TSPAN16: variants seen among roughly 807,000 people sequenced by gnomAD.
TSPAN16 encodes the protein tetraspanin 16, also known as tetraspanin-16.
TSPAN16 carries 23 observed loss-of-function variants against 25.2 expected under a neutral mutation model. The observed-to-expected ratio is 0.91, with a 90% confidence interval of 0.66 to 1.29. The LOEUF (loss-of-function observed/expected upper bound fraction) is 1.29, where lower values mean the gene tolerates loss of function less well. TSPAN16 is among the 50% of genes most tolerant of loss of function. The pLI, the probability that TSPAN16 is intolerant of heterozygous loss-of-function variation, is 0.00. For missense variants in TSPAN16, 272 were observed against 299.9 expected (o/e 0.91, Z 0.69); for synonymous variants, 123 against 124.4 (o/e 0.99, Z 0.08).
chr19:11,321,847 T>C (rs989754612), intron 6 of TSPAN16, among the ~76,000 whole-genome samples: 2 of 152,152 alleles, frequency 1.3e-5, no homozygotes, highest in African/African-American at 4.8e-5. Context: ...CTGAGCTTTT[T>C]ACTAGAAGTA....
intron 1 of TSPAN16, among the ~76,000 whole-genome samples, chr19:11,296,567 C>T (rs2080480496): frequency 6.6e-6 from 1 of 152,170 alleles, no homozygotes; most frequent in Admixed American, 6.6e-5. Context: ...TGAAATCCAG[C>T]ACAGATGAGT....
intron 4 of TSPAN16, among the ~76,000 whole-genome samples, chr19:11,303,247 G>GT (rs2080585463): frequency 7.0e-6 from 1 of 142,478 alleles, no homozygotes; most frequent in African/African-American, 2.9e-5. Context: ...CTGTTGATCT[G>GT]TGACCTTACC....
chr19:11,325,643 G>T, intron 6 of TSPAN16: 1 of 1,498,620 alleles, frequency 6.7e-7, no homozygotes, highest in Non-Finnish European at 9.1e-7. Flanking sequence ...AGTCTCAGCT[G>T]TGGCATCACA....
At chr19:11,318,417 C>T (rs532308749), downstream of TSPAN16, among the ~76,000 whole-genome samples, 9 of 152,200 alleles carry the variant, frequency 5.9e-5, no homozygotes, top group African/African-American at 1.9e-4. Flanking sequence ...GCCTCAGCCT[C>T]CCAAAGTGCT....
At chr19:11,324,477 A>G (rs1221678863) in intron 6 of TSPAN16, 1 of 148,178 alleles carries the variant, frequency 6.7e-6, no homozygotes. Context: ...TTGGGCAAGA[A>G]CTTGCTTAAA....
At chr19:11,320,511 CTCAA>C (rs909621084), downstream of TSPAN16, among the ~76,000 whole-genome samples, 2 of 151,892 alleles carry the variant, frequency 1.3e-5, no homozygotes, top group African/African-American at 4.8e-5. Flanking sequence ...GATCCCATCT[CTCAA>C]TCACTCAATC....
At chr19:11,320,476 A>C (rs1300956059), downstream of TSPAN16, among the ~76,000 whole-genome samples, 1 of 151,966 alleles carries the variant, frequency 6.6e-6, no homozygotes, top group East Asian at 1.9e-4. Context: ...CTGGGAGTTC[A>C]AGACCAGCCT....
At chr19:11,323,971 A>C (rs1061327) in intron 6 of TSPAN16, 1 of 152,100 alleles carries the variant, frequency 6.6e-6, no homozygotes, top group African/African-American at 2.4e-5. Context: ...TACATCTTCA[A>C]ACTGCACACG....
intron 5 of TSPAN16, among the ~76,000 whole-genome samples, chr19:11,307,481 C>T (rs2080642319): frequency 6.6e-6 from 1 of 151,370 alleles, no homozygotes; most frequent in Non-Finnish European, 1.5e-5. Flanking sequence ...TGCAATGGTG[C>T]AATCACGGCT....
chr19:11,321,232 A>T (rs1295453071), intron 6 of TSPAN16: 2 of 152,168 alleles, frequency 1.3e-5, no homozygotes. Flanking sequence ...ACAGTTCAAC[A>T]TGGCTGGGGA....
intron 4 of TSPAN16, among the ~76,000 whole-genome samples, chr19:11,304,674 G>A (rs904656528): frequency 6.6e-5 from 10 of 151,698 alleles, no homozygotes; most frequent in Non-Finnish European, 1.5e-4. Flanking sequence ...ACAGGTGCCT[G>A]CCATCACGCC....
Position 11,315,830 on chromosome 19 carries a change from C to A in TSPAN16, c.727C>A (p.Leu243Met). 2.4e-6 allele frequency: 3 copies of A among 1,231,974 alleles called. No individual in the cohort carries two copies. Among genetic ancestry groups the A allele is most frequent in the Non-Finnish European group, 3.0e-6 (3 of 987,866 alleles). The allele number at this position is 1,231,974 out of a possible 1,614,324, so 76.3% of individuals were successfully genotyped here. Residue 243 changes from leucine (L) to methionine (M), a missense_variant, in exon 7 of 7, where the codon CTG becomes ATG. By Grantham distance (15) the Leu-to-Met change is conservative. Coordinates refer to ENST00000590327, the MANE Select transcript of TSPAN16 (RefSeq NM_001282509.2). Reference sequence around the variant, plus strand: ...TGCCACTTTGCTGCTGTTTATCAAGCTGGGCTGACACCCAGGCCTGGAGAA... The same window carrying A: ...TGCCACTTTGCTGCTGTTTATCAAGATGGGCTGACACCCAGGCCTGGAGAA... ...ILATLLLFIK[L>M]G is the part of the protein sequence containing the mutation.
In TSPAN16 at chr19:11,296,361, G is replaced by C; in HGVS notation, c.64G>C (p.Val22Leu). The change falls in exon 1 of 7, where the codon GTG becomes CTG. Residue 22 changes from valine to leucine, a missense_variant. Physicochemically the swap from Val to Leu is conservative, Grantham distance 32 (BLOSUM62 1). Coordinates refer to ENST00000590327, the MANE Select transcript of TSPAN16 (RefSeq NM_001282509.2). Reference sequence around the variant, plus strand: ...ACTGTTATCTTTACTCAATGGCTTCGTGGCTGTAAGTATGTCACAATCCAG... The same window carrying C: ...ACTGTTATCTTTACTCAATGGCTTCCTGGCTGTAAGTATGTCACAATCCAG... ...KKLLSLLNGF[V>L]AVSGIILVGL... 6.2e-7 allele frequency: 1 copy of C among 1,614,128 alleles called. No homozygotes were observed. The highest frequency in any genetic ancestry group is 8.5e-7 in the Non-Finnish European group (1 of 1,180,010).
Position 11,326,764 on chromosome 19 carries a change from C to T in TSPAN16, c.688-30C>T, listed in dbSNP as rs138084747. On this transcript the variant is annotated intron_variant, in intron 6 of 6. Transcript: ENST00000316737. The stretch of plus-strand genomic sequence containing the variant: ...GGCTACAGGTGTGCCCCACCATGCC[C>T]GGCTAATTTTTCAATTTTTTCTTTT... The T allele has an allele frequency of 6.9e-4, 479 of 696,086 alleles. 2 individuals carry two copies. The highest frequency in any genetic ancestry group is 1.1e-3 in the Non-Finnish European group (427 of 383,048). 43.1% of individuals were successfully genotyped at this position (696,086 alleles called of 1,614,324 possible). A position where few individuals can be genotyped will look rare whatever the true frequency, so the allele number is the denominator to read the frequency against.
At chr19:11,315,153 T>A (rs1472156612) in intron 6 of TSPAN16, among the ~76,000 whole-genome samples, 1 of 143,086 alleles carries the variant, frequency 7.0e-6, no homozygotes, top group Non-Finnish European at 1.5e-5. Flanking sequence ...GGAGAATTGC[T>A]TGAACCCGGG....
At position 11,301,303 on chromosome 19, in the gene TSPAN16, G is replaced by C; in HGVS notation, c.445G>C (p.Glu149Gln). ...TTCTACACAGTGGAACTTGGTCATG[G>C]AGAAGGTGAGGCTTACTTAAAAAAA... is the stretch of plus-strand genomic sequence containing the variant. ...DYSTQWNLVM[E>Q]KLKCCGVNNY... Residue 149 changes from glutamate (E) to glutamine (Q), a missense_variant, in exon 4 of 7, where the codon GAG becomes CAG. Coordinates refer to ENST00000590327, the MANE Select transcript of TSPAN16 (RefSeq NM_001282509.2). 2 of 1,613,180 alleles carry C rather than the reference G, an allele frequency of 1.2e-6. No homozygotes were observed. Among genetic ancestry groups the C allele is most frequent in the Non-Finnish European group, 1.7e-6 (2 of 1,179,344 alleles).
chr19:11,308,423 C>T (rs1037295825), intron 5 of TSPAN16, among the ~76,000 whole-genome samples: 3 of 151,402 alleles, frequency 2.0e-5, no homozygotes, highest in South Asian at 2.1e-4. Flanking sequence ...CTCAGCCTCC[C>T]GAGTAGCTGG....
chr19:11,323,720 G>C (rs941285940), intron 6 of TSPAN16: 7 of 152,238 alleles, frequency 4.6e-5, no homozygotes, highest in Admixed American at 1.3e-4. Context: ...ATACCCCAGG[G>C]AAGAGGCTGA....
chr19:11,306,274 G>A (rs1315366523), intron 4 of TSPAN16, among the ~76,000 whole-genome samples: 2 of 151,990 alleles, frequency 1.3e-5, no homozygotes, highest in African/African-American at 4.8e-5. Flanking sequence ...GCTCACTGCA[G>A]CCTTGATCTC....
Sources: gnomAD v4.1 joint callset for allele counts (sites outside exome capture counted in the v4.1 genomes callset) on GRCh38, gnomAD v4.1.1 for gene constraint, MANE v1.5 for transcripts, NCBI Gene and HGNC (gene_info 2026-07-23, HGNC 2026-07-21) for gene names.